STARD6: variants seen among roughly 807,000 people sequenced by gnomAD.
STARD6 encodes stAR-related lipid transfer protein 6.
Under a neutral mutation model 22.3 loss-of-function variants are expected in STARD6, and 21 were observed. The observed-to-expected ratio is 0.94, with a 90% CI of 0.67 to 1.35. The LOEUF (loss-of-function observed/expected upper bound fraction) is 1.35. STARD6 is among the 40% of genes most tolerant of loss of function. The pLI, the probability that STARD6 is intolerant of heterozygous loss-of-function variation, is 0.00. For missense variants in STARD6, 269 were observed against 266.9 expected (o/e 1.01, Z -0.05); for synonymous variants, 80 against 88.1 (o/e 0.91, Z 0.52).
At chr18:54,355,687 A>C (rs529646056) in intron 2 of STARD6, 64 of 152,334 alleles carry the variant, frequency 4.2e-4, no homozygotes, top group Middle Eastern at 3.4e-3. Context: ...AGTCTTTGGT[A>C]ATTTCTTATG....
intron 1 of STARD6, chr18:54,357,140 T>C (rs578217972): frequency 1.3e-5 from 2 of 152,312 alleles, no homozygotes; most frequent in Non-Finnish European, 2.9e-5. Flanking sequence ...CAGTGGAAAA[T>C]AAACATAAAC....
chr18:54,341,171 T>G (rs978075727), intron 4 of STARD6, among the ~76,000 whole-genome samples: 1 of 152,158 alleles, frequency 6.6e-6, no homozygotes, highest in Non-Finnish European at 1.5e-5. Flanking sequence ...GCCATTCTCC[T>G]GCCTCAGCCT....
At chr18:54,343,027 C>T (rs1169865048) in intron 4 of STARD6, among the ~76,000 whole-genome samples, 5 of 7,198 alleles carry the variant, frequency 6.9e-4, no homozygotes, top group African/African-American at 8.0e-4. Flanking sequence ...AGCGCCTCTT[C>T]CCAGCCGCCA....
chr18:54,332,728 T>C (rs1385899677), intron 5 of STARD6, among the ~76,000 whole-genome samples: 10 of 152,080 alleles, frequency 6.6e-5, no homozygotes, highest in Admixed American at 6.5e-4. Context: ...CACCAGTAGG[T>C]TGAAGAGGAG....
chr18:54,337,724 C>T (rs1253930446), intron 4 of STARD6, among the ~76,000 whole-genome samples: 1 of 152,240 alleles, frequency 6.6e-6, no homozygotes, highest in African/African-American at 2.4e-5. Flanking sequence ...TGTCCCTCTA[C>T]TGAAAAACTT....
chr18:54,329,667 T>A (rs1201418858), intron 6 of STARD6, among the ~76,000 whole-genome samples: 1 of 152,002 alleles, frequency 6.6e-6, no homozygotes, highest in Non-Finnish European at 1.5e-5. Flanking sequence ...CTAAAGATGC[T>A]GTCAACTTCT....
chr18:54,354,209 G>GAA (rs78759091), intron 3 of STARD6, 106 bp from the exon 4 acceptor site: 2 of 711,548 alleles, frequency 2.8e-6, no homozygotes, highest in South Asian at 2.1e-5. Context: ...GTTTGTAAAA[G>GAA]AAAAAAATAT....
chr18:54,352,892 C>G (rs972125912), intron 4 of STARD6, among the ~76,000 whole-genome samples: 3 of 152,184 alleles, frequency 2.0e-5, no homozygotes, highest in African/African-American at 7.2e-5. Context: ...CTACACTGGT[C>G]TGATCTGTAA....
At chr18:54,354,323 T>A in intron 3 of STARD6, 161 bp downstream of exon 3, 1 of 675,342 alleles carries the variant, frequency 1.5e-6, no homozygotes, top group Non-Finnish European at 2.5e-6. Context: ...CAAACTCCTG[T>A]GCTCAAGCAG....
intron 4 of STARD6, among the ~76,000 whole-genome samples, chr18:54,351,909 T>TTTG (rs1275805670): frequency 2.7e-5 from 4 of 149,694 alleles, no homozygotes; most frequent in African/African-American, 9.9e-5. Context: ...GTTTTTTTTT[T>TTTG]TTTTTTTTTT....
At chr18:54,342,098 A>G (rs2088974407) in intron 4 of STARD6, among the ~76,000 whole-genome samples, 1 of 152,260 alleles carries the variant, frequency 6.6e-6, no homozygotes, top group Non-Finnish European at 1.5e-5. Flanking sequence ...GTTGTAAGAG[A>G]AGAATGATGT....
At chr18:54,347,201 G>A (rs1041145146) in intron 4 of STARD6, among the ~76,000 whole-genome samples, 3 of 151,992 alleles carry the variant, frequency 2.0e-5, no homozygotes, top group African/African-American at 7.3e-5. Flanking sequence ...TCTTGAGTAG[G>A]TAGAGAACCT....
chr18:54,335,249 C>T (rs539838495), intron 5 of STARD6, among the ~76,000 whole-genome samples: 5 of 151,796 alleles, frequency 3.3e-5, no homozygotes, highest in Admixed American at 6.6e-5. Context: ...AGCTGGAGTG[C>T]GACGGCATGA....
chr18:54,334,532 C>A (rs2088892522), intron 5 of STARD6, among the ~76,000 whole-genome samples: 1 of 151,900 alleles, frequency 6.6e-6, no homozygotes, highest in African/African-American at 2.4e-5. Context: ...ATGGTCAAAC[C>A]CCACAGACTT....
intron 2 of STARD6, among the ~76,000 whole-genome samples, chr18:54,355,387 T>G (rs2089134851): frequency 6.6e-6 from 1 of 152,172 alleles, no homozygotes; most frequent in Admixed American, 6.5e-5. Flanking sequence ...TGCAATGGAC[T>G]GAATGTTTAT....
At chr18:54,336,889 C>T (rs1488343791) in intron 5 of STARD6, among the ~76,000 whole-genome samples, 2 of 152,154 alleles carry the variant, frequency 1.3e-5, no homozygotes, top group African/African-American at 4.8e-5. Flanking sequence ...ACAAATGGCA[C>T]ACATTGCAGG....
intron 4 of STARD6, among the ~76,000 whole-genome samples, chr18:54,349,270 G>A (rs535040466): frequency 2.0e-4 from 30 of 152,220 alleles, no homozygotes; most frequent in African/African-American, 7.0e-4. Context: ...AGGAGATAAT[G>A]AAACTGACAT....
chr18:54,351,522 C>T (rs2089095910), intron 4 of STARD6, among the ~76,000 whole-genome samples: 1 of 152,138 alleles, frequency 6.6e-6, no homozygotes, highest in African/African-American at 2.4e-5. Flanking sequence ...TTTTCCCGTT[C>T]CAGTTTTTAG....
chr18:54,331,059 C>T (rs980498662), intron 6 of STARD6, among the ~76,000 whole-genome samples: 10 of 151,808 alleles, frequency 6.6e-5, no homozygotes, highest in African/African-American at 1.7e-4. Flanking sequence ...ATTAACGAAA[C>T]GTAGTTGTCC....
Sources: gnomAD v4.1 joint callset for allele counts (sites outside exome capture counted in the v4.1 genomes callset) on GRCh38, gnomAD v4.1.1 for gene constraint, MANE v1.5 for transcripts, NCBI Gene and HGNC (gene_info 2026-07-23, HGNC 2026-07-21) for gene names.